Variants in ZNF804B observed in about 807,000 individuals in gnomAD.
ZNF804B encodes zinc finger protein 804B, also known as zinc finger 804B.
A neutral mutation model predicts 101.4 loss-of-function variants in ZNF804B; 80 were observed. The observed-to-expected ratio is 0.79, with a 90% CI of 0.66 to 0.95. ZNF804B has a LOEUF of 0.95. ZNF804B is among the 40% of genes least tolerant of loss of function. ZNF804B has a pLI of 0.00. For synonymous variants in ZNF804B, 622 were observed against 558.8 expected (o/e 1.11, Z -1.59); for missense variants, 1,673 against 1,561.9 (o/e 1.07, Z -1.20).
chr7:89,107,817 C>T (rs1197845039), intron 1 of ZNF804B, among the ~76,000 whole-genome samples: 1 of 152,142 alleles, frequency 6.6e-6, no homozygotes, highest in East Asian at 1.9e-4. Context: ...ATTTCCAAAA[C>T]TTCACCGCTA....
intron 1 of ZNF804B, among the ~76,000 whole-genome samples, chr7:89,185,947 C>T (rs977227664): frequency 6.6e-6 from 1 of 151,810 alleles, no homozygotes; most frequent in Non-Finnish European, 1.5e-5. Flanking sequence ...CTTAGTGCAT[C>T]CAAAACTGTG....
rs1172941666 is a variant in ZNF804B, at chr7:89,334,691, C to T, written c.1709C>T (p.Ala570Val). ...AATAAGAGTGAATATACTTTCAGTG[C>T]AAATGATTTGGAAATGAAAAATCCT... ...EPNKSEYTFSANDLEMKNPKV... is the reference protein window; with the variant it reads ...EPNKSEYTFSVNDLEMKNPKV... Residue 570 changes from alanine (A) to valine (V), a missense_variant, in exon 4 of 4, where the codon GCA (alanine) becomes GTA (valine). Transcript: ENST00000333190. 2 of 1,613,548 alleles carry T rather than the reference C, an allele frequency of 1.2e-6. No homozygotes were observed. Among genetic ancestry groups the T allele is most frequent in the South Asian group, 1.1e-5 (1 of 91,064 alleles).
At chr7:88,819,269 G>A (rs537115678) in intron 1 of ZNF804B, among the ~76,000 whole-genome samples, 25 of 149,162 alleles carry the variant, frequency 1.7e-4, no homozygotes, top group Non-Finnish European at 3.1e-4. Flanking sequence ...GACCACTGGT[G>A]CATGCCTCCA....
intron 1 of ZNF804B, among the ~76,000 whole-genome samples, chr7:89,116,294 AATGTTT>A (rs1276334134): frequency 6.6e-6 from 1 of 152,110 alleles, no homozygotes; most frequent in African/African-American, 2.4e-5. Context: ...TATGGTTCAA[AATGTTT>A]ATGATTTAAG....
intron 1 of ZNF804B, among the ~76,000 whole-genome samples, chr7:88,773,260 T>C (rs1437286832): frequency 2.6e-5 from 4 of 152,142 alleles, no homozygotes; most frequent in Admixed American, 1.3e-4. Flanking sequence ...AGTGCTCAAG[T>C]AGGAGGGGAG....
chr7:89,209,704 G>A (rs1013520225), intron 1 of ZNF804B, among the ~76,000 whole-genome samples: 1 of 152,116 alleles, frequency 6.6e-6, no homozygotes, highest in South Asian at 2.1e-4. Flanking sequence ...TGCCAGGGTA[G>A]GCCATACTGT....
rs1035680125 is a variant in ZNF804B, at chr7:88,819,769, A to AT, written c.108+59687dup. Among the ~76,000 whole-genome samples the AT allele has an allele frequency of 5.5e-4, 84 of 152,302 alleles. 1 individual carries two copies. Among genetic ancestry groups the AT allele is most frequent in the African/African-American group, 1.9e-3 (80 of 41,564 alleles). ...AAATACATATACATTTAACAGTTTCATTGTTTTCCAAAAAATTTAGCGCAA... is the reference window on the plus strand; with the variant it reads ...AAATACATATACATTTAACAGTTTCATTTGTTTTCCAAAAAATTTAGCGCAA... On this transcript the variant is annotated intron_variant, in intron 1 of 3. Coordinates refer to ENST00000333190, the MANE Select transcript of ZNF804B (RefSeq NM_181646.5).
chr7:88,989,563 T>C (rs1793813644), intron 1 of ZNF804B, among the ~76,000 whole-genome samples: 1 of 152,082 alleles, frequency 6.6e-6, no homozygotes, highest in Non-Finnish European at 1.5e-5. Context: ...TTAGAGTTTC[T>C]ACAAAAGAAT....
At chr7:89,194,086 TG>T (rs1325733668) in intron 1 of ZNF804B, among the ~76,000 whole-genome samples, 3 of 152,190 alleles carry the variant, frequency 2.0e-5, no homozygotes, top group African/African-American at 4.8e-5. Context: ...TTTTTTCATA[TG>T]TTTTTTGGCT....
At chr7:89,128,290 T>C (rs1204181320) in intron 1 of ZNF804B, among the ~76,000 whole-genome samples, 5 of 151,954 alleles carry the variant, frequency 3.3e-5, no homozygotes, top group African/African-American at 4.8e-5. Context: ...TACTTATTGC[T>C]GGATCTTCAT....
intron 1 of ZNF804B, among the ~76,000 whole-genome samples, chr7:89,076,904 C>T (rs77703545): frequency 0.019 from 2,957 of 152,128 alleles, 39 homozygotes; most frequent in Middle Eastern, 0.031. Flanking sequence ...GGGAATGAAC[C>T]TCAGGGCAAT....
intron 1 of ZNF804B, among the ~76,000 whole-genome samples, chr7:89,162,583 T>C (rs1026724251): frequency 2.3e-5 from 3 of 130,102 alleles, no homozygotes; most frequent in Non-Finnish European, 4.7e-5. Flanking sequence ...GCAAAAGCAT[T>C]TGTTGGGTTG....
intron 1 of ZNF804B, among the ~76,000 whole-genome samples, chr7:89,000,710 A>G (rs1486624616): frequency 6.6e-6 from 1 of 151,652 alleles, no homozygotes; most frequent in African/African-American, 2.4e-5. Flanking sequence ...TAGATTCCAC[A>G]TTTAAGTGAG....
intron 2 of ZNF804B, among the ~76,000 whole-genome samples, chr7:89,266,866 T>C (rs974024447): frequency 2.1e-4 from 31 of 150,362 alleles, no homozygotes; most frequent in Non-Finnish European, 3.7e-4. Context: ...CTAATGTTTG[T>C]GTGTCTGTGT....
At chr7:89,087,346 A>C (rs1378286787) in intron 1 of ZNF804B, among the ~76,000 whole-genome samples, 1 of 151,736 alleles carries the variant, frequency 6.6e-6, no homozygotes, top group Non-Finnish European at 1.5e-5. Context: ...TATAAAAAAA[A>C]AGGGTCCAAA....
At chr7:88,970,992 C>CA (rs71120047) in intron 1 of ZNF804B, among the ~76,000 whole-genome samples, 52 of 144,576 alleles carry the variant, frequency 3.6e-4, no homozygotes, top group East Asian at 1.0e-3. Flanking sequence ...AAAAAAAGAA[C>CA]AAAAAAAAAT....
At chr7:89,255,189 G>A (rs1164361390) in intron 2 of ZNF804B, among the ~76,000 whole-genome samples, 1 of 152,120 alleles carries the variant, frequency 6.6e-6, no homozygotes, top group Non-Finnish European at 1.5e-5. Context: ...AGTGCAAGCA[G>A]GGGAAATGCC....
At chr7:88,884,763 A>T (rs1229180278) in intron 1 of ZNF804B, among the ~76,000 whole-genome samples, 1 of 151,916 alleles carries the variant, frequency 6.6e-6, no homozygotes, top group African/African-American at 2.4e-5. Context: ...TCTTAAAAAA[A>T]TTAAAGCTTA....
chr7:89,198,794 G>T (rs1030395990), intron 1 of ZNF804B, among the ~76,000 whole-genome samples: 1 of 150,516 alleles, frequency 6.6e-6, no homozygotes, highest in Non-Finnish European at 1.5e-5. Flanking sequence ...GTGTACTCCA[G>T]CCAAAGGCAG....
Sources: allele counts gnomAD v4.1 joint callset (sites outside exome capture counted in the v4.1 genomes callset), GRCh38; gene constraint gnomAD v4.1.1; transcripts MANE v1.5; gene names NCBI Gene and HGNC (gene_info 2026-07-23, HGNC 2026-07-21).